The following SPAG16 variants were observed in gnomAD, a reference collection of about 807,000 sequenced individuals.
SPAG16 encodes sperm associated antigen 16, also known as sperm-associated antigen 16 protein.
SPAG16 carries 86 observed loss-of-function variants against 80.4 expected under a neutral mutation model. That is an observed-to-expected ratio of 1.07 (90% CI 0.90 to 1.28). SPAG16 has a LOEUF of 1.28. SPAG16 is among the 50% of genes most tolerant of loss of function. The probability of loss-of-function intolerance (pLI) is 0.00; values close to 1 mark genes in which losing one functional copy is unlikely to be tolerated. For missense variants in SPAG16, 870 were observed against 765.3 expected (o/e 1.14, Z -1.61); for synonymous variants, 294 against 265.9 (o/e 1.11, Z -1.03).
At chr2:213,693,644 T>C (rs767871445) in intron 10 of SPAG16, among the ~76,000 whole-genome samples, 40 of 152,214 alleles carry the variant, frequency 2.6e-4, no homozygotes, top group African/African-American at 8.2e-4. Context: ...AGTATCATGA[T>C]AACTAGGTAC....
At chr2:214,194,550 A>G (rs1313985794) in intron 15 of SPAG16, among the ~76,000 whole-genome samples, 4 of 152,112 alleles carry the variant, frequency 2.6e-5, no homozygotes, top group African/African-American at 9.6e-5. Flanking sequence ...CTGTTTTACT[A>G]GCATAAGACA....
At chr2:213,697,531 T>G (rs1033182599) in intron 10 of SPAG16, among the ~76,000 whole-genome samples, 5 of 152,182 alleles carry the variant, frequency 3.3e-5, no homozygotes, top group Non-Finnish European at 5.9e-5. Flanking sequence ...TTTGAGTACA[T>G]GAGATTACCC....
At chr2:214,285,518 A>C (rs1436999839) in intron 15 of SPAG16, among the ~76,000 whole-genome samples, 1 of 152,166 alleles carries the variant, frequency 6.6e-6, no homozygotes, top group Non-Finnish European at 1.5e-5. Flanking sequence ...CTTAACTACT[A>C]AAACTGCTAG....
intron 10 of SPAG16, among the ~76,000 whole-genome samples, chr2:213,551,028 AAATTCAGAATTTTCCTAACCGT>A (rs1166832534): frequency 2.0e-5 from 3 of 152,178 alleles, no homozygotes; most frequent in African/African-American, 7.2e-5. Flanking sequence ...TATTTTAGAA[AAATTCAGAATTTTCCTAACCGT>A]AATAGTCAGA....
At chr2:214,247,461 C>T (rs1462565527) in intron 15 of SPAG16, among the ~76,000 whole-genome samples, 2 of 151,862 alleles carry the variant, frequency 1.3e-5, no homozygotes, top group African/African-American at 2.4e-5. Context: ...AAATATTGTC[C>T]CCATAGTAGA....
intron 15 of SPAG16, among the ~76,000 whole-genome samples, chr2:214,330,686 C>T (rs1696854216): frequency 6.6e-6 from 1 of 152,150 alleles, no homozygotes; most frequent in Non-Finnish European, 1.5e-5. Context: ...TGCTAGCTGG[C>T]CTTAGGAAAG....
chr2:214,070,667 C>T (rs2050745422), intron 13 of SPAG16, among the ~76,000 whole-genome samples: 1 of 151,976 alleles, frequency 6.6e-6, no homozygotes, highest in African/African-American at 2.4e-5. Context: ...TAGATTCCCT[C>T]TTTTGATATA....
chr2:214,371,659 T>C (rs993232519), intron 15 of SPAG16, among the ~76,000 whole-genome samples: 4 of 149,208 alleles, frequency 2.7e-5, no homozygotes, highest in Non-Finnish European at 5.9e-5. Flanking sequence ...GATTATAAAA[T>C]TATAAATATA....
At chr2:213,434,247 G>A (rs1472263333) in intron 9 of SPAG16, among the ~76,000 whole-genome samples, 1 of 151,962 alleles carries the variant, frequency 6.6e-6, no homozygotes, top group Non-Finnish European at 1.5e-5. Context: ...AAATGGTGCT[G>A]GGAAAATTGG....
chr2:214,015,600 G>GAAAA (rs61341736), intron 13 of SPAG16, among the ~76,000 whole-genome samples: 1 of 144,486 alleles, frequency 6.9e-6, no homozygotes, highest in African/African-American at 2.5e-5. Flanking sequence ...CTCCATCTCA[G>GAAAA]AAAAAAAAAA....
intron 13 of SPAG16, among the ~76,000 whole-genome samples, chr2:214,078,533 C>CAAA (rs35101370): frequency 1.2e-4 from 14 of 117,126 alleles, no homozygotes; most frequent in African/African-American, 3.8e-4. Flanking sequence ...GAGCCTGTCT[C>CAAA]AAAAAAAAAA....
chr2:214,286,244 G>C (rs1693348462), intron 15 of SPAG16, among the ~76,000 whole-genome samples: 1 of 152,114 alleles, frequency 6.6e-6, no homozygotes. Flanking sequence ...AGGCTCTGGA[G>C]ATCTAACGTA....
chr2:213,656,871 T>C (rs1376497381), intron 10 of SPAG16, among the ~76,000 whole-genome samples: 1 of 152,210 alleles, frequency 6.6e-6, no homozygotes, highest in Non-Finnish European at 1.5e-5. Context: ...GGAGAATCTC[T>C]GAAGTCTCAG....
rs1559505699 is a variant in SPAG16, at chr2:213,833,465, TTATATATAATAA to T, written c.1071-29011_1071-29000del. Among the ~76,000 whole-genome samples, 3 of 9,728 alleles carry T rather than the reference TTATATATAATAA, an allele frequency of 3.1e-4. 1 individual carries two copies. Among genetic ancestry groups the T allele is most frequent in the Non-Finnish European group, 5.7e-4 (3 of 5,294 alleles). The allele number at this position is 9,728 out of a possible 152,430, so 6.4% of individuals were successfully genotyped here. On this transcript the variant is annotated intron_variant, in intron 10 of 15. Transcript: ENST00000331683. ...TGTATATATATATATTATATATATA[TTATATATAATAA>T]TATATATATTATATATAATATATAT...
intron 10 of SPAG16, among the ~76,000 whole-genome samples, chr2:213,499,616 A>G (rs1444584104): frequency 6.6e-6 from 1 of 152,158 alleles, no homozygotes; most frequent in East Asian, 1.9e-4. Context: ...GAATGTCAAG[A>G]AATTTATATG....
In SPAG16 at chr2:213,879,951, G is replaced by A. The variant is rs528718869; in HGVS notation, c.1214+17323G>A. Among the ~76,000 whole-genome samples the A allele has an allele frequency of 9.2e-5, 14 of 152,220 alleles. No individual in the cohort carries two copies. In the South Asian group the frequency reaches 2.9e-3, roughly 32 times the overall value. On this transcript the variant is annotated intron_variant, in intron 11 of 15. Coordinates refer to ENST00000331683, the MANE Select transcript of SPAG16 (RefSeq NM_024532.5). ...AAAGTGCAGCAATGAACATATGAGT[G>A]CATCTGTCTTTTTGGTATAATGATC...
chr2:213,673,856 T>A (rs550504167), intron 10 of SPAG16, among the ~76,000 whole-genome samples: 2 of 152,222 alleles, frequency 1.3e-5, no homozygotes, highest in South Asian at 4.1e-4. Context: ...TTAACGGACA[T>A]ACTCATTCCA....
intron 11 of SPAG16, among the ~76,000 whole-genome samples, chr2:213,905,740 A>G (rs2077403955): frequency 6.6e-6 from 1 of 152,174 alleles, no homozygotes; most frequent in South Asian, 2.1e-4. Flanking sequence ...TAAAGCAGGG[A>G]AGGATGGCAG....
At chr2:214,372,072 T>C (rs1422188901) in intron 15 of SPAG16, among the ~76,000 whole-genome samples, 1 of 152,168 alleles carries the variant, frequency 6.6e-6, no homozygotes, top group Non-Finnish European at 1.5e-5. Flanking sequence ...TTCAGTCTCA[T>C]TGTTCTCTCC....
Sources: gnomAD v4.1 joint callset for allele counts (sites outside exome capture counted in the v4.1 genomes callset) on GRCh38, gnomAD v4.1.1 for gene constraint, MANE v1.5 for transcripts, NCBI Gene and HGNC (gene_info 2026-07-23, HGNC 2026-07-21) for gene names.